FILIP1: variants seen among roughly 807,000 people sequenced by gnomAD.
FILIP1 encodes filamin A interacting protein 1, also known as filamin-A-interacting protein 1.
In FILIP1, 61 loss-of-function variants were observed where a neutral mutation model predicts 102.1. The observed-to-expected ratio is 0.60, with a 90% CI of 0.49 to 0.74. The LOEUF (loss-of-function observed/expected upper bound fraction) is 0.74. FILIP1 is among the 30% of genes least tolerant of loss of function. The pLI is 0.00. For missense variants in FILIP1, 1,314 were observed against 1,441.2 expected (o/e 0.91, Z 1.43); for synonymous variants, 491 against 526.9 (o/e 0.93, Z 0.93).
chr6:75,438,100 G>A (rs886955322), intron 1 of FILIP1, among the ~76,000 whole-genome samples: 1 of 152,176 alleles, frequency 6.6e-6, no homozygotes, highest in African/African-American at 2.4e-5. Context: ...CTGTTTTACT[G>A]TCATGAATTT....
intron 1 of FILIP1, among the ~76,000 whole-genome samples, chr6:75,462,867 T>G (rs928489836): frequency 6.6e-6 from 1 of 151,988 alleles, no homozygotes; most frequent in African/African-American, 2.4e-5. Flanking sequence ...CTCCACTACC[T>G]CCCTCATAAC....
At chr6:75,457,822 AAAATCTGATCTAATGG>A (rs764827697) in intron 1 of FILIP1, among the ~76,000 whole-genome samples, 36 of 152,200 alleles carry the variant, frequency 2.4e-4, no homozygotes, top group Non-Finnish European at 2.6e-4. Flanking sequence ...AACATTTCCA[AAAATCTGATCTAATGG>A]AAGTCTGGCC....
chr6:75,469,101 C>A (rs985382808), intron 1 of FILIP1, among the ~76,000 whole-genome samples: 2 of 151,842 alleles, frequency 1.3e-5, no homozygotes, highest in Non-Finnish European at 2.9e-5. Context: ...CCATTAAATT[C>A]TATTATTAAT....
In FILIP1 at chr6:75,324,345, CAAA is replaced by C. The variant is rs35302698; in HGVS notation, c.630-9146_630-9144del. 1.8e-3 allele frequency among the ~76,000 whole-genome samples: 187 copies of C among 105,350 alleles called. 1 individual carries two copies. The highest frequency in any genetic ancestry group is 2.9e-3 in the Non-Finnish European group (154 of 53,126). The allele number at this position is 105,350 out of a possible 152,430, so 69.1% of individuals were successfully genotyped here. The stretch of plus-strand genomic sequence containing the variant: ...TAAAGCACTTAGAAATATACCTAAC[CAAA>C]AAAAAAAAAAAAGGAAAGAAATATA... On this transcript the variant is annotated intron_variant, in intron 4 of 5. Coordinates refer to ENST00000237172, the MANE Select transcript of FILIP1 (RefSeq NM_015687.5).
chr6:75,423,388 G>A (rs1777531791), intron 1 of FILIP1, among the ~76,000 whole-genome samples: 1 of 152,068 alleles, frequency 6.6e-6, no homozygotes, highest in Admixed American at 6.6e-5. Context: ...AACAAAAAGT[G>A]GATTTTATAC....
At chr6:75,479,586 T>C (rs1779591164) in intron 1 of FILIP1, among the ~76,000 whole-genome samples, 1 of 152,110 alleles carries the variant, frequency 6.6e-6, no homozygotes, top group South Asian at 2.1e-4. Context: ...AAAAGAGTCT[T>C]GGTCAGGCGT....
Position 75,297,313 on chromosome 6 carries a change from G to C in FILIP1, c.3494-1363C>G, listed in dbSNP as rs563589984. On this transcript the variant is annotated intron_variant, in intron 6 of 6. Transcript: ENST00000393004. ...TATAGGTTCATAGTAATTACACACA[G>C]TGCATGATTACCTGCCAAAAAGAAA... 2.2e-4 allele frequency among the ~76,000 whole-genome samples: 34 copies of C among 152,238 alleles called. 1 individual carries two copies. Among genetic ancestry groups the C allele is most frequent in the Middle Eastern group, 3.4e-3 (1 of 294 alleles).
intron 4 of FILIP1, chr6:75,319,039 T>G: frequency 2.9e-6 from 2 of 699,016 alleles, no homozygotes; most frequent in Non-Finnish European, 5.1e-6. Flanking sequence ...TTATTCATCA[T>G]CGTCATCTTC....
At chr6:75,465,561 T>G (rs1779137696) in intron 1 of FILIP1, 1 of 519,378 alleles carries the variant, frequency 1.9e-6, no homozygotes, top group African/African-American at 2.9e-5. Context: ...AAGGACAGTT[T>G]CACAGCAATT....
intron 1 of FILIP1, chr6:75,465,690 C>T: frequency 4.5e-6 from 1 of 222,558 alleles, no homozygotes; most frequent in Admixed American, 5.8e-5. Context: ...AGGAAGCTCC[C>T]ATTCAAGGAC....
At chr6:75,462,106 A>C (rs1027173896) in intron 1 of FILIP1, among the ~76,000 whole-genome samples, 1 of 151,860 alleles carries the variant, frequency 6.6e-6, no homozygotes, top group African/African-American at 2.4e-5. Flanking sequence ...CACACTTCTT[A>C]CCACCTCTCT....
chr6:75,425,225 T>C (rs908806828), intron 1 of FILIP1, among the ~76,000 whole-genome samples: 3 of 152,198 alleles, frequency 2.0e-5, no homozygotes, highest in Non-Finnish European at 4.4e-5. Flanking sequence ...TGTTTAAAGA[T>C]GTTTATCACT....
At chr6:75,346,071 C>T (rs1411127072) in intron 4 of FILIP1, among the ~76,000 whole-genome samples, 2 of 152,148 alleles carry the variant, frequency 1.3e-5, no homozygotes, top group African/African-American at 4.8e-5. Flanking sequence ...TCAGAACTGA[C>T]ATTTAGATTT....
chr6:75,353,651 C>T lies in FILIP1; in HGVS notation c.517G>A (p.Glu173Lys), dbSNP rs780969364. The stretch of plus-strand genomic sequence containing the variant: ...TATACGGTGCGCCTATGACACTTCT[C>T]GGCCAGCAACAGCTGCTCTAGCATG... The part of the protein sequence containing the change: ...RRMLEQLLLA[E>K]KCHRRTVYEL... The change falls in exon 4 of 6, where the codon GAG becomes AAG. Residue 173 changes from glutamate (E) to lysine (K), a missense_variant. Coordinates refer to ENST00000237172, the MANE Select transcript of FILIP1 (RefSeq NM_015687.5). The T allele has an allele frequency of 2.4e-5, 38 of 1,614,068 alleles. No homozygotes were observed. The highest frequency in any genetic ancestry group is 1.6e-4 in the Middle Eastern group (1 of 6,082).
intron 2 of FILIP1, among the ~76,000 whole-genome samples, chr6:75,394,577 A>G (rs1051874145): frequency 9.2e-5 from 14 of 152,226 alleles, no homozygotes; most frequent in African/African-American, 3.4e-4. Context: ...AAAAGCTCTC[A>G]TTAATCAATA....
intron 1 of FILIP1, among the ~76,000 whole-genome samples, chr6:75,462,570 T>G (rs1779055002): frequency 6.6e-6 from 1 of 152,090 alleles, no homozygotes; most frequent in Non-Finnish European, 1.5e-5. Context: ...AAATTAAATC[T>G]CATATATGTG....
At chr6:75,356,594 G>C (rs1337100161) in intron 3 of FILIP1, among the ~76,000 whole-genome samples, 1 of 151,712 alleles carries the variant, frequency 6.6e-6, no homozygotes, top group Non-Finnish European at 1.5e-5. Flanking sequence ...TCAGCCTCCT[G>C]AGTAGCTGGG....
chr6:75,304,116 A>G (rs913220862), downstream of FILIP1, among the ~76,000 whole-genome samples: 4 of 152,226 alleles, frequency 2.6e-5, no homozygotes, highest in East Asian at 1.9e-4. Flanking sequence ...AAAAATTAAA[A>G]CAATTATTCT....
In FILIP1 at chr6:75,314,441, T is replaced by A; in HGVS notation, c.1391A>T (p.Lys464Ile). 6.3e-7 allele frequency: 1 copy of A among 1,575,014 alleles called. No homozygotes were observed. Among genetic ancestry groups the A allele is most frequent in the East Asian group, 2.2e-5 (1 of 44,676 alleles). Residue 464 changes from lysine to isoleucine, a missense_variant, in exon 5 of 6, where the codon AAA becomes ATA. By Grantham distance (102) the Lys-to-Ile change is moderately radical. Coordinates refer to ENST00000237172, the MANE Select transcript of FILIP1 (RefSeq NM_015687.5). ...CACCTCCAATTCATTTAGCAGGTCTTTGGTTAAGTTCTTTTCTTTCTCCAG... is the reference window on the plus strand; with the variant it reads ...CACCTCCAATTCATTTAGCAGGTCTATGGTTAAGTTCTTTTCTTTCTCCAG... ...LNLEKEKNLT[K>I]DLLNELEVVK...
Sources: allele counts gnomAD v4.1 joint callset (sites outside exome capture counted in the v4.1 genomes callset), GRCh38; gene constraint gnomAD v4.1.1; transcripts MANE v1.5; gene names NCBI Gene and HGNC (gene_info 2026-07-23, HGNC 2026-07-21).